Variants in ATP8A2 observed in about 807,000 individuals in gnomAD.
ATP8A2 encodes the protein phospholipid-transporting ATPase IB.
Under a neutral mutation model 165.6 loss-of-function variants are expected in ATP8A2, and 100 were observed. The ratio of observed to expected loss-of-function variants is 0.60; its 90% CI spans 0.51 to 0.71. The LOEUF (loss-of-function observed/expected upper bound fraction) is 0.71. Ranked by LOEUF, ATP8A2 falls within the 30% of genes least tolerant of loss-of-function variation. The pLI is 0.00. For synonymous variants in ATP8A2, 543 were observed against 548.8 expected (o/e 0.99, Z 0.15); for missense variants, 1,227 against 1,479.5 (o/e 0.83, Z 2.80).
Position 25,752,885 on chromosome 13 carries a change from T to C in ATP8A2, c.2385-16161T>C, listed in dbSNP as rs867061985. Among the ~76,000 whole-genome samples the C allele has an allele frequency of 8.5e-5, 13 of 152,320 alleles. 1 individual carries two copies. In the Middle Eastern group the frequency reaches 0.01, roughly 120 times the overall value. ...AGGGCAAGGCTCCTCTGATTTTTCT[T>C]TCTAACTCTCCTCCTTCCCTTTCCT... On this transcript the variant is annotated intron_variant, in intron 25 of 36. Coordinates refer to ENST00000381655, the MANE Select transcript of ATP8A2 (RefSeq NM_016529.6).
intron 1 of ATP8A2, among the ~76,000 whole-genome samples, chr13:25,463,889 C>T (rs1395422241): frequency 1.3e-5 from 2 of 152,120 alleles, no homozygotes; most frequent in African/African-American, 4.8e-5. Flanking sequence ...TGTAACTGAT[C>T]TGCTCTCCTC....
chr13:25,643,894 G>GT (rs1303964034), intron 24 of ATP8A2, among the ~76,000 whole-genome samples: 2 of 151,248 alleles, frequency 1.3e-5, no homozygotes, highest in Non-Finnish European at 3.0e-5. Flanking sequence ...TATGAACATT[G>GT]TTTTTTTCAT....
At chr13:25,800,678 A>G (rs79092545) in intron 27 of ATP8A2, among the ~76,000 whole-genome samples, 1 of 152,264 alleles carries the variant, frequency 6.6e-6, no homozygotes, top group African/African-American at 2.4e-5. Flanking sequence ...CCATGCTAAG[A>G]AGTAACTCCC....
At chr13:25,637,815 T>G (rs899202879) in intron 24 of ATP8A2, among the ~76,000 whole-genome samples, 2 of 152,162 alleles carry the variant, frequency 1.3e-5, no homozygotes, top group African/African-American at 4.8e-5. Context: ...CCTCTTCAAG[T>G]GGGTCCCTGA....
chr13:25,839,450 C>T (rs192108171), intron 29 of ATP8A2, 96 bp from the exon 30 acceptor site: 69 of 836,280 alleles, frequency 8.3e-5, no homozygotes, highest in East Asian at 2.0e-4. Context: ...GTGCAGCGCA[C>T]GGCCAGGATC....
chr13:25,982,327 G>T (rs1336284444), intron 35 of ATP8A2, among the ~76,000 whole-genome samples: 1 of 152,192 alleles, frequency 6.6e-6, no homozygotes, highest in African/African-American at 2.4e-5. Context: ...AATTCCTTTT[G>T]CATGTTCCCA....
intron 1 of ATP8A2, among the ~76,000 whole-genome samples, chr13:25,465,618 C>T (rs2035613754): frequency 6.7e-6 from 1 of 149,642 alleles, no homozygotes; most frequent in Non-Finnish European, 1.5e-5. Context: ...TCTTCCTTTC[C>T]TGGTGCACAC....
intron 25 of ATP8A2, among the ~76,000 whole-genome samples, chr13:25,760,994 T>C (rs971157708): frequency 6.6e-6 from 1 of 152,212 alleles, no homozygotes. Context: ...AAAATTACCA[T>C]GGAATTGCAG....
At chr13:25,773,157 C>T (rs951971573) in intron 26 of ATP8A2, among the ~76,000 whole-genome samples, 3 of 152,164 alleles carry the variant, frequency 2.0e-5, no homozygotes, top group Non-Finnish European at 4.4e-5. Flanking sequence ...ATACAGCCTG[C>T]TTGTCTCTCC....
chr13:25,376,011 AAGG>A (rs2032613277), intron 1 of ATP8A2, among the ~76,000 whole-genome samples: 1 of 152,146 alleles, frequency 6.6e-6, no homozygotes, highest in South Asian at 2.1e-4. Flanking sequence ...CCCAAGTTTC[AAGG>A]AGGAGAATCA....
At chr13:25,827,174 A>G (rs1226905685) in intron 27 of ATP8A2, among the ~76,000 whole-genome samples, 5 of 152,084 alleles carry the variant, frequency 3.3e-5, no homozygotes, top group Non-Finnish European at 5.9e-5. Context: ...CAGTGGCACT[A>G]TCTTGGCTCA....
chr13:25,468,921 C>T, intron 1 of ATP8A2, 56 bp from the exon 2 acceptor site: 5 of 1,585,472 alleles, frequency 3.2e-6, no homozygotes, highest in Non-Finnish European at 4.3e-6. Context: ...CGCAGCCTCC[C>T]GCCTGGCGGT....
At chr13:25,512,094 AGCATGCT>A (rs1328349049) in intron 2 of ATP8A2, among the ~76,000 whole-genome samples, 2 of 151,620 alleles carry the variant, frequency 1.3e-5, no homozygotes, top group Non-Finnish European at 2.9e-5. Context: ...ACTCTTAAGG[AGCATGCT>A]GCCTTCAAGC....
At chr13:25,383,994 G>T (rs996752273) in intron 1 of ATP8A2, among the ~76,000 whole-genome samples, 2 of 152,134 alleles carry the variant, frequency 1.3e-5, no homozygotes, top group African/African-American at 2.4e-5. Context: ...GATCCCTGGG[G>T]ATCTTTTAGG....
chr13:25,755,762 C>G (rs1053917758), intron 25 of ATP8A2, among the ~76,000 whole-genome samples: 1 of 152,002 alleles, frequency 6.6e-6, no homozygotes, highest in African/African-American at 2.4e-5. Flanking sequence ...AAAAAATTAG[C>G]TGGGCATGGT....
intron 35 of ATP8A2, among the ~76,000 whole-genome samples, chr13:25,976,827 C>T (rs143702523): frequency 0.01 from 1,569 of 152,230 alleles, 17 homozygotes; most frequent in Middle Eastern, 0.044. Flanking sequence ...CTTGCTCTAT[C>T]GCCCAGGCTG....
At chr13:25,926,769 G>C (rs576783309) in intron 33 of ATP8A2, among the ~76,000 whole-genome samples, 2 of 152,342 alleles carry the variant, frequency 1.3e-5, no homozygotes, top group East Asian at 3.9e-4. Context: ...GGAGGCCAAG[G>C]CTGGAGGATC....
At chr13:25,808,613 A>T (rs6491089) in intron 27 of ATP8A2, among the ~76,000 whole-genome samples, 2,063 of 147,300 alleles carry the variant, frequency 0.014, 47 homozygotes, top group African/African-American at 0.048. Flanking sequence ...AAAAAAAAAA[A>T]TTTTTTTTTT....
intron 1 of ATP8A2, among the ~76,000 whole-genome samples, chr13:25,397,138 C>G (rs1237857143): frequency 6.6e-6 from 1 of 152,190 alleles, no homozygotes; most frequent in African/African-American, 2.4e-5. Flanking sequence ...TGGTCAGTGC[C>G]TCCTTATCTC....
Sources: allele counts gnomAD v4.1 joint callset (sites outside exome capture counted in the v4.1 genomes callset), GRCh38; gene constraint gnomAD v4.1.1; transcripts MANE v1.5; gene names NCBI Gene and HGNC (gene_info 2026-07-23, HGNC 2026-07-21).